The following SLC12A7 variants were observed in gnomAD, a reference collection of about 807,000 sequenced individuals.
The protein encoded by SLC12A7 is solute carrier family 12 member 7.
A neutral mutation model predicts 120.6 loss-of-function variants in SLC12A7; 100 were observed. That is an observed-to-expected ratio of 0.83 (90% confidence interval 0.71 to 0.98). The LOEUF is 0.98. Among genes scored for constraint, SLC12A7 ranks in the 50% least tolerant of loss-of-function variants. The probability of loss-of-function intolerance (pLI) is 0.00; values close to 1 mark genes in which losing one functional copy is unlikely to be tolerated. For synonymous variants in SLC12A7, 760 were observed against 678.0 expected (o/e 1.12, Z -1.88); for missense variants, 1,373 against 1,548.1 (o/e 0.89, Z 1.90).
the SLC12A7 span, among the ~76,000 whole-genome samples, chr5:1,138,157 A>C: frequency 6.6e-6 from 1 of 152,220 alleles, no homozygotes; most frequent in East Asian, 1.9e-4. Context: ...GGACCCAAAG[A>C]GTGAGCAGCA....
At chr5:1,135,657 C>T in the SLC12A7 span, among the ~76,000 whole-genome samples, 1 of 152,218 alleles carries the variant, frequency 6.6e-6, no homozygotes, top group Non-Finnish European at 1.5e-5. Flanking sequence ...AGTGATGCCA[C>T]ACGCAGCTTC....
At chr5:1,078,542 C>A in intron 11 of SLC12A7, 159 bp downstream of exon 11, 1 of 666,472 alleles carries the variant, frequency 1.5e-6, no homozygotes, top group Non-Finnish European at 2.7e-6. Flanking sequence ...GAAGAGACGA[C>A]ACATCAGACC....
chr5:1,117,631 C>T, the SLC12A7 span, among the ~76,000 whole-genome samples: 1 of 152,146 alleles, frequency 6.6e-6, no homozygotes, highest in Non-Finnish European at 1.5e-5. This position sits in a 1 kb window ranked among gnomAD's most constrained non-coding sequence, Gnocchi z 4.5. Context: ...CCACTCAGAC[C>T]AATAGACTGG....
chr5:1,068,113 C>T (rs945999109), intron 17 of SLC12A7, among the ~76,000 whole-genome samples: 20 of 152,362 alleles, frequency 1.3e-4, no homozygotes, highest in East Asian at 5.8e-4. Flanking sequence ...CGAAGCTGCA[C>T]GCTTCTTAGA....
intron 8 of SLC12A7, among the ~76,000 whole-genome samples, chr5:1,083,468 T>C (rs1739447749): frequency 6.6e-6 from 1 of 152,224 alleles, no homozygotes; most frequent in African/African-American, 2.4e-5. Flanking sequence ...TCCCCATACA[T>C]GCTGCCAGGA....
chr5:1,105,847 G>C (rs192750896), intron 1 of SLC12A7, among the ~76,000 whole-genome samples: 1 of 152,312 alleles, frequency 6.6e-6, no homozygotes, highest in Non-Finnish European at 1.5e-5. Context: ...CTGCCCTGAA[G>C]ACCAGCTGGT....
the SLC12A7 span, among the ~76,000 whole-genome samples, chr5:1,121,429 C>A: frequency 2.6e-5 from 4 of 152,192 alleles, no homozygotes; most frequent in Non-Finnish European, 4.4e-5. Flanking sequence ...TGTGCGGATC[C>A]CCCTGCAGCC....
the SLC12A7 span, among the ~76,000 whole-genome samples, chr5:1,124,872 A>C: frequency 1.3e-5 from 2 of 152,240 alleles, no homozygotes; most frequent in African/African-American, 4.8e-5. Flanking sequence ...GCGGCCGGCC[A>C]GACCTCAAAT....
intron 1 of SLC12A7, among the ~76,000 whole-genome samples, chr5:1,111,589 C>T (rs1743012377): frequency 6.6e-6 from 1 of 152,170 alleles, no homozygotes; most frequent in Non-Finnish European, 1.5e-5. Flanking sequence ...TCCAGCCCCT[C>T]CCCGTTTCCA....
chr5:1,074,565 A>T lies in SLC12A7; in HGVS notation c.2072+2T>A. The T allele has an allele frequency of 1.2e-6, 2 of 1,610,586 alleles. No individual in the cohort carries two copies. The highest frequency in any genetic ancestry group is 3.3e-5 in the Admixed American group (2 of 59,896). On this transcript the variant is annotated splice_donor_variant, in intron 16 of 23. Coordinates refer to ENST00000264930, the MANE Select transcript of SLC12A7 (RefSeq NM_006598.3). LOFTEE classifies it high-confidence loss of function. ...GGACCACGGGGCATGGGCGGTGCTC[A>T]CCTCCAGTTCTTGGTGTGGGGGGGA...
rs1738737120 is a variant in SLC12A7, at chr5:1,079,346, G to A, written c.1396+52C>T. On this transcript the variant is annotated intron_variant, in intron 10 of 23. Transcript: ENST00000264930. ...ATGCTGAGCCGGGGAGGGCATGGGG[G>A]CCTCCCCCCAGGCAGAGGCTGGAAC... The A allele has an allele frequency of 3.4e-5, 49 of 1,427,474 alleles. 3 individuals are homozygous for A. In the South Asian group the frequency reaches 5.4e-4, roughly 16 times the overall value. The allele number at this position is 1,427,474 out of a possible 1,614,324, so 88.4% of individuals were successfully genotyped here.
At chr5:1,074,939 G>A (rs1437188709) in intron 15 of SLC12A7, among the ~76,000 whole-genome samples, 3 of 152,188 alleles carry the variant, frequency 2.0e-5, no homozygotes, top group Non-Finnish European at 4.4e-5. Context: ...ACGGGGGACA[G>A]GAGGCCCATG....
the SLC12A7 span, among the ~76,000 whole-genome samples, chr5:1,142,260 C>T: frequency 1.3e-5 from 2 of 149,052 alleles, no homozygotes; most frequent in African/African-American, 5.0e-5. Context: ...GAAAACCTCC[C>T]CCGTCTCCTG....
intron 1 of SLC12A7, among the ~76,000 whole-genome samples, chr5:1,107,200 TGAG>T (rs1742595164): frequency 6.6e-6 from 1 of 152,248 alleles, no homozygotes; most frequent in African/African-American, 2.4e-5. Context: ...CAGCCTTCTT[TGAG>T]AAGAAAAGCC....
chr5:1,058,364 C>T (rs762657193), intron 21 of SLC12A7, among the ~76,000 whole-genome samples: 10 of 152,358 alleles, frequency 6.6e-5, no homozygotes, highest in East Asian at 1.9e-4. Flanking sequence ...TCCATGCTGT[C>T]GTGGCCAGCC....
Position 1,081,737 on chromosome 5 carries a change from C to T in SLC12A7, c.1137G>A (p.Leu379=). 1 of 1,611,366 alleles carries T rather than the reference C, an allele frequency of 6.2e-7. No individual in the cohort carries two copies. Among genetic ancestry groups the T allele is most frequent in the Non-Finnish European group, 8.5e-7 (1 of 1,178,756 alleles). The change falls in exon 9 of 24, where the codon CTG becomes CTA. Residue 379 remains leucine (L), a synonymous_variant. Coordinates refer to ENST00000264930, the MANE Select transcript of SLC12A7 (RefSeq NM_006598.3). ...CCCCCGCGTGCGCGTACGTACTCCACAGGTTCTCTGCCGGGCAAGGAAGAT... is the reference window on the plus strand; with the variant it reads ...CCCCCGCGTGCGCGTACGTACTCCATAGGTTCTCTGCCGGGCAAGGAAGAT... ...GAASGVFLEN[L]WSTYAHAGAF...
In SLC12A7 at chr5:1,063,931, C is replaced by T. The variant is rs1275427893; in HGVS notation, c.2652G>A (p.Val884=). The T allele has an allele frequency of 1.9e-6, 3 of 1,612,642 alleles. No homozygotes were observed. Among genetic ancestry groups the T allele is most frequent in the Admixed American group, 1.7e-5 (1 of 60,004 alleles). The part of the protein sequence containing the change: ...CRMRIFTVAQ[V]DDNSIQMKKD... ...TCTTCATCTGGATGCTGTTGTCGTCCACCTGGGCCACGGTGAAGATACGCA... is the reference window on the plus strand; with the variant it reads ...TCTTCATCTGGATGCTGTTGTCGTCTACCTGGGCCACGGTGAAGATACGCA... Residue 884 remains valine (V), a synonymous_variant, in exon 20 of 24, where the codon GTG becomes GTA. Coordinates refer to ENST00000264930, the MANE Select transcript of SLC12A7 (RefSeq NM_006598.3).
chr5:1,120,710 C>T, the SLC12A7 span, among the ~76,000 whole-genome samples: 5 of 152,296 alleles, frequency 3.3e-5, no homozygotes, highest in Middle Eastern at 3.4e-3. Flanking sequence ...CCACAGATGG[C>T]GTGTCCCTTC....
chr5:1,077,715 C>A lies in SLC12A7; in HGVS notation c.1629+118G>T, dbSNP rs943907252. 7 of 1,114,254 alleles carry A rather than the reference C, an allele frequency of 6.3e-6. No individual in the cohort carries two copies. The African/African-American group carries it at 9.7e-5, about 15-fold the overall frequency. The allele number at this position is 1,114,254 out of a possible 1,614,324, so 69.0% of individuals were successfully genotyped here. On this transcript the variant is annotated intron_variant, in intron 12 of 23. Transcript: ENST00000264930. ...GCAGTGGCCAGGGGCAGAATGACCA[C>A]CATGGGGTCCAAGCCGCGGGCATGC... is the stretch of plus-strand genomic sequence containing the variant.
Sources: gnomAD v4.1 joint callset for allele counts (sites outside exome capture counted in the v4.1 genomes callset) on GRCh38, gnomAD v4.1.1 for gene constraint, Gnocchi (gnomAD v3.1) non-coding constraint, MANE v1.5 for transcripts, NCBI Gene and HGNC (gene_info 2026-07-23, HGNC 2026-07-21) for gene names.